FBXL7: variants seen among roughly 807,000 people sequenced by gnomAD.
The protein encoded by FBXL7 is F-box/LRR-repeat protein 7.
A neutral mutation model predicts 38.3 loss-of-function variants in FBXL7; 12 were observed. The ratio of observed to expected loss-of-function variants is 0.31; its 90% CI spans 0.20 to 0.51. The LOEUF (loss-of-function observed/expected upper bound fraction) is 0.51. FBXL7 is among the 20% of genes least tolerant of loss of function. FBXL7 has a pLI of 0.98. For missense variants in FBXL7, 567 were observed against 676.4 expected, an observed-to-expected ratio of 0.84 and a Z score of 1.79; for synonymous variants, 297 against 300.9, an observed-to-expected ratio of 0.99 and a Z score of 0.13.
intron 1 of FBXL7, chr5:15,501,450 C>T (rs1311905318): frequency 7.1e-6 from 7 of 985,528 alleles, no homozygotes; most frequent in Non-Finnish European, 8.4e-6. Flanking sequence ...AAAACCGTAG[C>T]GTTGTATCCC....
chr5:15,806,804 A>G (rs1442183802), intron 2 of FBXL7, among the ~76,000 whole-genome samples: 2 of 152,218 alleles, frequency 1.3e-5, no homozygotes, highest in Admixed American at 1.3e-4. Context: ...CGGCAGAAGC[A>G]GCCCAGAGTA....
At chr5:15,560,557 G>A (rs1393412696) in intron 1 of FBXL7, among the ~76,000 whole-genome samples, 2 of 152,078 alleles carry the variant, frequency 1.3e-5, no homozygotes, top group Non-Finnish European at 2.9e-5. Flanking sequence ...GCAACTTCCC[G>A]ACCAGATAAT....
intron 2 of FBXL7, among the ~76,000 whole-genome samples, chr5:15,788,564 T>C (rs1280237834): frequency 6.6e-6 from 1 of 152,174 alleles, no homozygotes; most frequent in African/African-American, 2.4e-5. Context: ...TCAGCCTGCC[T>C]CCACCTCCTT....
chr5:15,525,954 A>G (rs527482082), intron 1 of FBXL7, among the ~76,000 whole-genome samples: 2 of 152,176 alleles, frequency 1.3e-5, no homozygotes, highest in Admixed American at 6.5e-5. Flanking sequence ...ACACACACTC[A>G]TACACAGAGA....
intron 1 of FBXL7, among the ~76,000 whole-genome samples, chr5:15,583,579 A>G (rs773483897): frequency 5.3e-5 from 8 of 152,222 alleles, no homozygotes; most frequent in Non-Finnish European, 7.3e-5. Flanking sequence ...TCCAAAATCC[A>G]GCAGGGGAGT....
intron 2 of FBXL7, among the ~76,000 whole-genome samples, chr5:15,858,191 A>G (rs13436730): frequency 0.041 from 6,230 of 150,340 alleles, 435 homozygotes; most frequent in African/African-American, 0.14. Flanking sequence ...AGCAGGGAGG[A>G]AAAAGTATAT....
At chr5:15,871,238 A>G (rs544496617) in intron 2 of FBXL7, among the ~76,000 whole-genome samples, 11 of 152,292 alleles carry the variant, frequency 7.2e-5, no homozygotes, top group Non-Finnish European at 1.3e-4. Flanking sequence ...CTAACAAACA[A>G]AAAGCAATAG....
chr5:15,710,377 G>T (rs944362061), intron 2 of FBXL7, among the ~76,000 whole-genome samples: 6 of 151,934 alleles, frequency 3.9e-5, no homozygotes, highest in African/African-American at 1.5e-4. Flanking sequence ...TGCATTTGCT[G>T]CTCCATCTGT....
At chr5:15,654,801 T>C (rs1446797924) in intron 2 of FBXL7, among the ~76,000 whole-genome samples, 1 of 152,208 alleles carries the variant, frequency 6.6e-6, no homozygotes, top group African/African-American at 2.4e-5. Flanking sequence ...AATTTTATTT[T>C]AGATTTTTAA....
rs571441703 is a variant in FBXL7, at chr5:15,936,401, T to C, written c.740-49T>C. 1.4e-5 allele frequency: 22 copies of C among 1,577,054 alleles called. No individual in the cohort carries two copies. In the African/African-American group the frequency reaches 2.9e-4, roughly 21 times the overall value. On this transcript the variant is annotated intron_variant, in intron 3 of 3. Coordinates refer to ENST00000504595, the MANE Select transcript of FBXL7 (RefSeq NM_012304.5). This position sits in a 1 kb window ranked among gnomAD's most constrained non-coding sequence, Gnocchi z 6.0. ...GCCCCAGGGCATCCCCAGGCGTGGCTCCCCTGCTGGCAGGTTGCTCTGAGC... is the reference window on the plus strand; with the variant it reads ...GCCCCAGGGCATCCCCAGGCGTGGCCCCCCTGCTGGCAGGTTGCTCTGAGC...
chr5:15,545,340 G>GT (rs1183869498), intron 1 of FBXL7, among the ~76,000 whole-genome samples: 1 of 152,140 alleles, frequency 6.6e-6, no homozygotes, highest in African/African-American at 2.4e-5. Context: ...TTTTATTAGC[G>GT]TATCTATTTG....
Position 15,880,738 on chromosome 5 carries a change from T to TAA in FBXL7, c.128-47150_128-47149dup, listed in dbSNP as rs981304690. 1.8e-4 allele frequency among the ~76,000 whole-genome samples: 26 copies of TAA among 146,696 alleles called. No individual in the cohort carries two copies. The East Asian group carries it at 3.7e-3, about 21-fold the overall frequency. On this transcript the variant is annotated intron_variant, in intron 2 of 3. Transcript: ENST00000504595. ...ATACTATATTATATATATATATATA[T>TAA]AAAGTAATATATACTTAGTAAAATA...
In FBXL7 at chr5:15,938,817, GA is replaced by G; in HGVS notation, c.*1634del. The G allele has an allele frequency of 2.5e-6, 1 of 395,816 alleles. No homozygotes were observed. Among genetic ancestry groups the G allele is most frequent in the Non-Finnish European group, 4.4e-6 (1 of 224,796 alleles). The allele number at this position is 395,816 out of a possible 1,614,324, so 24.5% of individuals were successfully genotyped here. On this transcript the variant is annotated 3_prime_UTR_variant, in exon 4 of 4. Coordinates refer to ENST00000504595, the MANE Select transcript of FBXL7 (RefSeq NM_012304.5). ...TTTGCATGAAGTCAGATAGCCAGAAGAAATTCCATTGCTGGTTTTCACGAAA... is the reference window on the plus strand; with the variant it reads ...TTTGCATGAAGTCAGATAGCCAGAAGAATTCCATTGCTGGTTTTCACGAAA...
At chr5:15,769,716 C>T in intron 2 of FBXL7, among the ~76,000 whole-genome samples, 1 of 125,298 alleles carries the variant, frequency 8.0e-6, no homozygotes, top group Non-Finnish European at 1.6e-5. Flanking sequence ...CAGTAGGATC[C>T]TGGATGGGTT....
intron 2 of FBXL7, among the ~76,000 whole-genome samples, chr5:15,719,208 C>T (rs1744128555): frequency 6.6e-6 from 1 of 152,130 alleles, no homozygotes; most frequent in Non-Finnish European, 1.5e-5. Context: ...CAAGTTCAGG[C>T]TTTGTTCCTG....
At chr5:15,796,447 G>A (rs188540007) in intron 2 of FBXL7, among the ~76,000 whole-genome samples, 1 of 150,966 alleles carries the variant, frequency 6.6e-6, no homozygotes, top group Admixed American at 6.6e-5. Flanking sequence ...GGCCTGCAAA[G>A]CCTAAAATAT....
At chr5:15,720,814 TTATTATTA>T (rs1744172912) in intron 2 of FBXL7, among the ~76,000 whole-genome samples, 1 of 17,890 alleles carries the variant, frequency 5.6e-5, no homozygotes, top group African/African-American at 1.3e-4. Flanking sequence ...GAGTATAATA[TTATTATTA>T]TATTGTATAA....
intron 2 of FBXL7, among the ~76,000 whole-genome samples, chr5:15,683,932 T>C (rs549899046): frequency 1.3e-5 from 2 of 152,296 alleles, no homozygotes; most frequent in South Asian, 2.1e-4. Context: ...ATGAAGATTA[T>C]GTGTGTTGCC....
chr5:15,794,764 G>A (rs540965486), intron 2 of FBXL7, among the ~76,000 whole-genome samples: 10 of 152,200 alleles, frequency 6.6e-5, no homozygotes, highest in Admixed American at 2.0e-4. Flanking sequence ...GTATGCTGAC[G>A]TTAGTCTCCT....
Sources: allele counts gnomAD v4.1 joint callset (sites outside exome capture counted in the v4.1 genomes callset), GRCh38; gene constraint gnomAD v4.1.1; non-coding constraint Gnocchi (gnomAD v3.1); transcripts MANE v1.5; gene names NCBI Gene and HGNC (gene_info 2026-07-23, HGNC 2026-07-21).